Variants in MRAS observed in about 807,000 individuals in gnomAD.
The protein encoded by MRAS is ras-related protein M-Ras.
A neutral mutation model predicts 20.9 loss-of-function variants in MRAS; 4 were observed. The ratio of observed to expected loss-of-function variants is 0.19; its 90% CI spans 0.09 to 0.44. MRAS has a LOEUF of 0.44. Ranked by LOEUF, MRAS falls within the 20% of genes least tolerant of loss-of-function variation. The probability of loss-of-function intolerance (pLI) is 0.99; values close to 1 mark genes in which losing one functional copy is unlikely to be tolerated. For missense variants in MRAS, 154 were observed against 277.5 expected (o/e 0.56, Z 3.16); for synonymous variants, 98 against 102.9 (o/e 0.95, Z 0.29).
intron 2 of MRAS, among the ~76,000 whole-genome samples, chr3:138,396,437 G>C (rs1004180961): frequency 6.6e-6 from 1 of 152,178 alleles, no homozygotes; most frequent in Non-Finnish European, 1.5e-5. Flanking sequence ...AGGGGGACTG[G>C]GAAGACGCAG....
At chr3:138,391,452 CA>C (rs2055130718) in intron 2 of MRAS, among the ~76,000 whole-genome samples, 1 of 152,166 alleles carries the variant, frequency 6.6e-6, no homozygotes, top group East Asian at 1.9e-4. Context: ...TGAGCATCTG[CA>C]GTCCAAAAAT....
intron 2 of MRAS, among the ~76,000 whole-genome samples, chr3:138,391,836 A>G (rs1334777197): frequency 6.6e-6 from 1 of 152,202 alleles, no homozygotes; most frequent in Non-Finnish European, 1.5e-5. Flanking sequence ...AATTTCATGT[A>G]TGTTTAAAAA....
intron 2 of MRAS, among the ~76,000 whole-genome samples, chr3:138,394,592 C>G (rs1187234007): frequency 1.3e-5 from 2 of 152,208 alleles, no homozygotes; most frequent in Non-Finnish European, 2.9e-5. Context: ...CTCTTCTCTT[C>G]TCTATGTCTG....
At chr3:138,375,352 CTG>C (rs958447880) in intron 2 of MRAS, among the ~76,000 whole-genome samples, 1 of 152,146 alleles carries the variant, frequency 6.6e-6, no homozygotes, top group African/African-American at 2.4e-5. Context: ...CTTGTAATGT[CTG>C]TGTCTAATTT....
chr3:138,405,159 C>T lies in MRAS; in HGVS notation c.*2890C>T, dbSNP rs1190584219. ...CTTAGGACTTTGCCCACCTCCTTCTCATGGCACTTGCTGTGGAAAATGCCT... is the reference window on the plus strand; with the variant it reads ...CTTAGGACTTTGCCCACCTCCTTCTTATGGCACTTGCTGTGGAAAATGCCT... On this transcript the variant is annotated 3_prime_UTR_variant, in exon 6 of 6. Transcript: ENST00000423968. 1.3e-5 allele frequency: 2 copies of T among 152,674 alleles called. No individual in the cohort carries two copies. The highest frequency in any genetic ancestry group is 2.9e-5 in the Non-Finnish European group (2 of 68,066). The allele number at this position is 152,674 out of a possible 1,614,324, so 9.5% of individuals were successfully genotyped here. A position where few individuals can be genotyped will look rare whatever the true frequency, so the allele number is the denominator to read the frequency against.
intron 2 of MRAS, among the ~76,000 whole-genome samples, chr3:138,376,750 G>A (rs906613718): frequency 5.3e-5 from 8 of 152,160 alleles, no homozygotes; most frequent in Admixed American, 4.6e-4. Flanking sequence ...TTCACTGCAG[G>A]ACTTACAAGA....
chr3:138,398,319 TG>T, intron 3 of MRAS, 149 bp from the exon 4 acceptor site: 1 of 669,664 alleles, frequency 1.5e-6, no homozygotes, highest in Non-Finnish European at 2.6e-6. Flanking sequence ...GACCTCTCTC[TG>T]GAAAGGAAGA....
chr3:138,380,508 T>TCAC (rs112798285), intron 2 of MRAS, among the ~76,000 whole-genome samples: 1 of 151,762 alleles, frequency 6.6e-6, no homozygotes, highest in Non-Finnish European at 1.5e-5. Flanking sequence ...GGATGGGGTT[T>TCAC]CCGTGTTGGC....
intron 1 of MRAS, among the ~76,000 whole-genome samples, chr3:138,369,420 G>A (rs918555444): frequency 6.6e-6 from 1 of 152,298 alleles, no homozygotes; most frequent in Admixed American, 6.5e-5. Flanking sequence ...AGAGGCTGCA[G>A]TGTGACCACA....
upstream of MRAS, chr3:138,348,262 G>T (rs970445375): frequency 2.6e-5 from 4 of 152,256 alleles, no homozygotes; most frequent in Admixed American, 6.5e-5. Flanking sequence ...TAAAGAGGCC[G>T]AGTCGAATTC....
intron 2 of MRAS, among the ~76,000 whole-genome samples, chr3:138,377,789 C>G (rs1004763097): frequency 6.6e-6 from 1 of 152,144 alleles, no homozygotes. Context: ...CGTGGCAGCA[C>G]GATGATGAGG....
chr3:138,349,840 G>A (rs536347218), intron 1 of MRAS: 1 of 152,326 alleles, frequency 6.6e-6, no homozygotes, highest in Non-Finnish European at 1.5e-5. Context: ...GGCTTCCAAA[G>A]ACCAGGCACT....
chr3:138,379,372 T>C (rs2054852750), intron 2 of MRAS, among the ~76,000 whole-genome samples: 2 of 147,706 alleles, frequency 1.4e-5, no homozygotes, highest in South Asian at 4.5e-4. Context: ...TTTTTTTTTT[T>C]TTTTTTTTTG....
intron 2 of MRAS, among the ~76,000 whole-genome samples, chr3:138,392,833 A>G (rs1231535991): frequency 1.3e-5 from 2 of 152,224 alleles, no homozygotes; most frequent in Non-Finnish European, 2.9e-5. Context: ...GTGATGAGTC[A>G]TAGATTTATT....
intron 1 of MRAS, among the ~76,000 whole-genome samples, chr3:138,369,725 G>A (rs1309050527): frequency 6.6e-6 from 1 of 152,154 alleles, no homozygotes; most frequent in Non-Finnish European, 1.5e-5. Context: ...GTCTCTGAGG[G>A]TTCAACCTCT....
intron 1 of MRAS, among the ~76,000 whole-genome samples, chr3:138,358,591 G>A (rs1397585815): frequency 5.3e-5 from 8 of 152,220 alleles, no homozygotes; most frequent in Non-Finnish European, 1.2e-4. Context: ...TATTTATTGA[G>A]TACCTTCTCT....
intron 1 of MRAS, among the ~76,000 whole-genome samples, chr3:138,361,523 A>G (rs920353743): frequency 3.3e-5 from 5 of 152,094 alleles, no homozygotes; most frequent in Admixed American, 2.6e-4. Context: ...AAGGAAGAGA[A>G]TTTGGGGCAG....
At chr3:138,379,783 A>T (rs1560175978) in intron 2 of MRAS, among the ~76,000 whole-genome samples, 1 of 152,192 alleles carries the variant, frequency 6.6e-6, no homozygotes, top group African/African-American at 2.4e-5. Context: ...GCGCTATGAT[A>T]AACATGGGAG....
intron 2 of MRAS, among the ~76,000 whole-genome samples, chr3:138,390,266 G>A (rs1446005203): frequency 6.6e-6 from 1 of 152,180 alleles, no homozygotes; most frequent in Non-Finnish European, 1.5e-5. Context: ...AGGGTCTCCA[G>A]TTAAATCCTC....
Sources: allele counts gnomAD v4.1 joint callset (sites outside exome capture counted in the v4.1 genomes callset), GRCh38; gene constraint gnomAD v4.1.1; transcripts MANE v1.5; gene names NCBI Gene and HGNC (gene_info 2026-07-23, HGNC 2026-07-21).